AFF3: variants seen among roughly 807,000 people sequenced by gnomAD.
AFF3 encodes the protein AF4/FMR2 family member 3.
A neutral mutation model predicts 129.7 loss-of-function variants in AFF3; 32 were observed. The ratio of observed to expected loss-of-function variants is 0.25; its 90% CI spans 0.19 to 0.33. The LOEUF (loss-of-function observed/expected upper bound fraction) is 0.33, where lower values mean the gene tolerates loss of function less well. AFF3 is among the 10% of genes least tolerant of loss of function. The pLI is 1.00. For synonymous variants in AFF3, 644 were observed against 635.4 expected, an observed-to-expected ratio of 1.01 and a Z score of -0.20; for missense variants, 1,373 against 1,592.0, an observed-to-expected ratio of 0.86 and a Z score of 2.34.
chr2:99,577,124 A>G (rs1677072916), intron 18 of AFF3, among the ~76,000 whole-genome samples: 1 of 152,190 alleles, frequency 6.6e-6, no homozygotes, highest in Admixed American at 6.5e-5. Context: ...AAAACAAACA[A>G]CAAATGTGGA....
At chr2:99,844,434 C>CTTTTTTTTTTTTTTTTTT (rs984233053) in intron 7 of AFF3, among the ~76,000 whole-genome samples, 2 of 92,464 alleles carry the variant, frequency 2.2e-5, no homozygotes, top group East Asian at 3.5e-4. Flanking sequence ...TTTTTCTTTT[C>CTTTTTTTTTTTTTTTTTT]TTTTTTTTTT....
At chr2:99,575,354 G>T (rs1676882386) in intron 18 of AFF3, among the ~76,000 whole-genome samples, 1 of 151,808 alleles carries the variant, frequency 6.6e-6, no homozygotes. Flanking sequence ...CCGCTTCCTG[G>T]GTTCAAGTGA....
chr2:99,696,818 A>AT (rs540219764), intron 11 of AFF3, among the ~76,000 whole-genome samples: 59 of 151,768 alleles, frequency 3.9e-4, no homozygotes, highest in Non-Finnish European at 7.7e-4. Flanking sequence ...TAATTTTAAA[A>AT]TTTTTTTTGT....
At chr2:100,101,043 A>G (rs1170778452) in intron 4 of AFF3, among the ~76,000 whole-genome samples, 1 of 152,198 alleles carries the variant, frequency 6.6e-6, no homozygotes, top group African/African-American at 2.4e-5. Flanking sequence ...AAGTGGAATT[A>G]GAGGTGGAAA....
At chr2:100,109,812 T>A (rs1691453847) in intron 2 of AFF3, 1 of 152,186 alleles carries the variant, frequency 6.6e-6, no homozygotes, top group African/African-American at 2.4e-5. Flanking sequence ...CAGGTAAGTG[T>A]CACAAACCCA....
At chr2:99,916,905 C>G (rs375806377) in intron 7 of AFF3, among the ~76,000 whole-genome samples, 1 of 152,058 alleles carries the variant, frequency 6.6e-6, no homozygotes, top group Non-Finnish European at 1.5e-5. Context: ...TGCTTAAGGG[C>G]GGGGATTCCT....
At chr2:100,067,431 GTAAAT>G (rs1312824437) in intron 4 of AFF3, among the ~76,000 whole-genome samples, 1 of 152,176 alleles carries the variant, frequency 6.6e-6, no homozygotes, top group Non-Finnish European at 1.5e-5. Context: ...TGCATCTGAA[GTAAAT>G]TAAAAGAATC....
chr2:100,038,520 A>G (rs1685162199), intron 4 of AFF3, among the ~76,000 whole-genome samples: 1 of 152,132 alleles, frequency 6.6e-6, no homozygotes, highest in African/African-American at 2.4e-5. Flanking sequence ...CATATATTTT[A>G]TAAACACAGG....
chr2:99,930,619 A>G (rs1696603294), intron 7 of AFF3, among the ~76,000 whole-genome samples: 1 of 152,060 alleles, frequency 6.6e-6, no homozygotes, highest in African/African-American at 2.4e-5. Context: ...TGGGGGACAA[A>G]CCAGGCTTCT....
intron 8 of AFF3, among the ~76,000 whole-genome samples, chr2:99,791,956 C>A (rs746370908): frequency 6.6e-6 from 1 of 151,722 alleles, no homozygotes; most frequent in Non-Finnish European, 1.5e-5. Context: ...AGATATGCTT[C>A]ATTTGGGCAT....
chr2:99,996,646 C>T (rs1319022050), intron 7 of AFF3, among the ~76,000 whole-genome samples: 2 of 150,588 alleles, frequency 1.3e-5, no homozygotes, highest in African/African-American at 2.5e-5. Context: ...TCCCAAAGTG[C>T]TGGGATTACG....
chr2:99,586,683 G>GT (rs1413871693), intron 16 of AFF3, among the ~76,000 whole-genome samples: 4 of 152,132 alleles, frequency 2.6e-5, no homozygotes, highest in Non-Finnish European at 4.4e-5. Context: ...GAGTGTGTGG[G>GT]TGGCCATTTA....
chr2:99,829,161 G>A (rs1239224902), intron 8 of AFF3, among the ~76,000 whole-genome samples: 1 of 152,104 alleles, frequency 6.6e-6, no homozygotes, highest in Non-Finnish European at 1.5e-5. Flanking sequence ...GAAAAAATGT[G>A]AGCTATGCAT....
intron 7 of AFF3, among the ~76,000 whole-genome samples, chr2:99,990,051 A>T (rs1680200564): frequency 1.3e-5 from 2 of 152,180 alleles, no homozygotes; most frequent in African/African-American, 4.8e-5. Context: ...ATTCTAGATC[A>T]ACAATGATCT....
chr2:99,588,008 C>CA (rs34481706), intron 15 of AFF3, among the ~76,000 whole-genome samples: 25,652 of 106,694 alleles, frequency 0.24, 2,523 homozygotes, highest in Middle Eastern at 0.32. Context: ...GACTCCGTCT[C>CA]AAAAAAAAAA....
intron 4 of AFF3, among the ~76,000 whole-genome samples, chr2:100,016,020 A>AGTG (rs79769916): frequency 1.4e-4 from 21 of 146,308 alleles, no homozygotes; most frequent in Non-Finnish European, 1.5e-4. Context: ...GTGTTGTGGT[A>AGTG]GTGGTGGTGG....
chr2:100,030,556 C>G (rs889770548), intron 4 of AFF3, among the ~76,000 whole-genome samples: 18 of 152,180 alleles, frequency 1.2e-4, no homozygotes, highest in African/African-American at 4.1e-4. Flanking sequence ...ATATAAAAAT[C>G]TACATGCAAA....
intron 18 of AFF3, among the ~76,000 whole-genome samples, chr2:99,571,029 G>A (rs1004597918): frequency 1.3e-5 from 2 of 152,234 alleles, no homozygotes; most frequent in African/African-American, 2.4e-5. Flanking sequence ...GGGCATGTGT[G>A]CAACTTGATT....
intron 8 of AFF3, among the ~76,000 whole-genome samples, chr2:99,763,649 A>G (rs1221549338): frequency 2.0e-5 from 3 of 152,242 alleles, no homozygotes; most frequent in Non-Finnish European, 4.4e-5. Flanking sequence ...CCTTTAAAAA[A>G]TATCTATTTC....
Sources: gnomAD v4.1 joint callset for allele counts (sites outside exome capture counted in the v4.1 genomes callset) on GRCh38, gnomAD v4.1.1 for gene constraint, MANE v1.5 for transcripts, NCBI Gene and HGNC (gene_info 2026-07-23, HGNC 2026-07-21) for gene names.